Variants in CAMTA1 observed in about 807,000 individuals in gnomAD.
CAMTA1 encodes calmodulin-binding transcription activator 1.
In CAMTA1, 27 loss-of-function variants were observed where a neutral mutation model predicts 170.9. That is an observed-to-expected ratio of 0.16 (90% CI 0.12 to 0.22). CAMTA1 has a LOEUF of 0.22. Among genes scored for constraint, CAMTA1 ranks in the 10% least tolerant of loss-of-function variants. The pLI, the probability that CAMTA1 is intolerant of heterozygous loss-of-function variation, is 1.00. For synonymous variants in CAMTA1, 833 were observed against 891.5 expected (o/e 0.93, Z 1.17); for missense variants, 1,619 against 2,217.2 (o/e 0.73, Z 5.42).
At chr1:7,199,325 G>C (rs1656198774) in intron 4 of CAMTA1, among the ~76,000 whole-genome samples, 3 of 152,224 alleles carry the variant, frequency 2.0e-5, no homozygotes, top group Admixed American at 1.3e-4. Context: ...GGGTAAAAGG[G>C]AGCCAGGCAG....
chr1:6,929,493 A>G (rs569333046), intron 3 of CAMTA1, among the ~76,000 whole-genome samples: 57 of 152,274 alleles, frequency 3.7e-4, no homozygotes, highest in African/African-American at 1.3e-3. Context: ...CCTCCCGAGT[A>G]GCTGGGACTA....
intron 4 of CAMTA1, among the ~76,000 whole-genome samples, chr1:7,139,230 A>C (rs1298648968): frequency 1.1e-5 from 1 of 87,912 alleles, no homozygotes; most frequent in Non-Finnish European, 2.8e-5. Flanking sequence ...CATAATATAA[A>C]TATATATTTA....
At chr1:7,165,300 G>C (rs1648144962) in intron 4 of CAMTA1, among the ~76,000 whole-genome samples, 1 of 152,150 alleles carries the variant, frequency 6.6e-6, no homozygotes, top group African/African-American at 2.4e-5. Flanking sequence ...TAGCTTTCTT[G>C]ATCAAATCTT....
chr1:7,766,429 G>A (rs1234634473), intron 22 of CAMTA1, 30 bp from the exon 23 acceptor site: 1 of 1,611,944 alleles, frequency 6.2e-7, no homozygotes. Context: ...TAGAGTTATC[G>A]CCTGCTGTTT....
In CAMTA1 at chr1:7,456,983, GCCCTCCCGTTCCTCCT is replaced by G. The variant is rs1477574314; in HGVS notation, c.439-10839_439-10824del. Among the ~76,000 whole-genome samples, 164 of 151,198 alleles carry G rather than the reference GCCCTCCCGTTCCTCCT, an allele frequency of 1.1e-3. 1 individual carries two copies. The East Asian group carries it at 0.016, about 15-fold the overall frequency. ...GCGAGGCCCAGCAGAGTTCGGCGCC[GCCCTCCCGTTCCTCCT>G]CCCTCCCATTCTTCCTCCCTCCCTT... On this transcript the variant is annotated intron_variant, in intron 5 of 22. Coordinates refer to ENST00000303635, the MANE Select transcript of CAMTA1 (RefSeq NM_015215.4). This position sits in a 1 kb window ranked among gnomAD's most constrained non-coding sequence, Gnocchi z 4.9.
At chr1:6,877,420 A>AT (rs1025516006) in intron 3 of CAMTA1, among the ~76,000 whole-genome samples, 1 of 152,096 alleles carries the variant, frequency 6.6e-6, no homozygotes, top group African/African-American at 2.4e-5. Flanking sequence ...GTGTGGAAGG[A>AT]TTTTTTGTCA....
intron 5 of CAMTA1, among the ~76,000 whole-genome samples, chr1:7,364,715 A>G (rs1219036054): frequency 6.6e-6 from 1 of 151,956 alleles, no homozygotes; most frequent in Non-Finnish European, 1.5e-5. Context: ...GGGCAGTGGG[A>G]GAGGGTATCC....
intron 6 of CAMTA1, among the ~76,000 whole-genome samples, chr1:7,502,218 T>A (rs1270325299): frequency 6.6e-6 from 1 of 152,216 alleles, no homozygotes; most frequent in Non-Finnish European, 1.5e-5. Context: ...GGTCCAGTTC[T>A]CCACACCCCT....
Position 7,349,719 on chromosome 1 carries a change from C to T in CAMTA1, c.438+100093C>T, listed in dbSNP as rs536568039. On this transcript the variant is annotated intron_variant, in intron 5 of 22. Coordinates refer to ENST00000303635, the MANE Select transcript of CAMTA1 (RefSeq NM_015215.4). ...ACTGGATCAGGGCCTGCCCTCCTGA[C>T]CTCACTTTAACTTTATCATCTGCGA... Among the ~76,000 whole-genome samples the T allele has an allele frequency of 5.9e-5, 9 of 152,334 alleles. 1 individual carries two copies. The highest frequency in any genetic ancestry group is 1.9e-4 in the African/African-American group (8 of 41,570).
intron 3 of CAMTA1, among the ~76,000 whole-genome samples, chr1:7,013,209 C>CTTCTTTTTT (rs1304575208): frequency 3.6e-5 from 3 of 84,194 alleles, no homozygotes; most frequent in African/African-American, 1.6e-4. Context: ...TGCCCTTCTT[C>CTTCTTTTTT]TTTTTTTTTT....
At chr1:7,489,150 C>T (rs569135270) in intron 6 of CAMTA1, among the ~76,000 whole-genome samples, 1 of 152,350 alleles carries the variant, frequency 6.6e-6, no homozygotes, top group African/African-American at 2.4e-5. Flanking sequence ...TTTGGGGCCT[C>T]CTTTGCCACA....
rs1185882081 is a variant in CAMTA1 at position 6,963,280 on chromosome 1, C to T, written c.235-128024C>T. On this transcript the variant is annotated intron_variant, in intron 3 of 22. Transcript: ENST00000303635. ...TCCTCCCACCCACCTGGCCCCCCCC[C>T]CCCCCCCGCTTTCCATCCCGGCCTT... is the stretch of plus-strand genomic sequence containing the variant. Among the ~76,000 whole-genome samples, 2 of 85,346 alleles carry T rather than the reference C, an allele frequency of 2.3e-5. 1 individual carries two copies. The highest frequency in any genetic ancestry group is 5.9e-5 in the Non-Finnish European group (2 of 34,040). The allele number at this position is 85,346 out of a possible 152,430, so 56.0% of individuals were successfully genotyped here. A position where few individuals can be genotyped will look rare whatever the true frequency, so the allele number is the denominator to read the frequency against.
chr1:7,026,492 A>G (rs1702037890), intron 3 of CAMTA1, among the ~76,000 whole-genome samples: 1 of 152,306 alleles, frequency 6.6e-6, no homozygotes, highest in East Asian at 1.9e-4. Flanking sequence ...CAGAATTCTG[A>G]TATAAACTAA....
chr1:6,908,126 G>T (rs947495463), intron 3 of CAMTA1, among the ~76,000 whole-genome samples: 1 of 152,150 alleles, frequency 6.6e-6, no homozygotes, highest in South Asian at 2.1e-4. Flanking sequence ...CCCCTTCTTT[G>T]CTCGTCACCC....
At chr1:7,270,005 A>G (rs1669457436) in intron 5 of CAMTA1, among the ~76,000 whole-genome samples, 1 of 152,144 alleles carries the variant, frequency 6.6e-6, no homozygotes. Context: ...TCTCATTACA[A>G]ACATTGCAAG....
At chr1:6,861,826 A>T (rs1003830809) in intron 3 of CAMTA1, among the ~76,000 whole-genome samples, 14 of 152,148 alleles carry the variant, frequency 9.2e-5, no homozygotes, top group Admixed American at 5.2e-4. Flanking sequence ...CATCTTGTAA[A>T]ACCGAAACTC....
At chr1:7,703,751 A>T (rs2096468339) in intron 11 of CAMTA1, among the ~76,000 whole-genome samples, 1 of 152,210 alleles carries the variant, frequency 6.6e-6, no homozygotes, top group Non-Finnish European at 1.5e-5. Context: ...TCTTGGGGTC[A>T]GGCACTTTCT....
intron 4 of CAMTA1, among the ~76,000 whole-genome samples, chr1:7,094,169 C>A (rs1180230116): frequency 1.8e-4 from 27 of 152,206 alleles, no homozygotes; most frequent in Admixed American, 1.8e-3. Flanking sequence ...CATGTTTACA[C>A]TTGAAAGCTT....
chr1:7,646,733 AGGGTGGAGGCCATGGTGAGTG>A (rs1321589398), intron 7 of CAMTA1, among the ~76,000 whole-genome samples: 56 of 138,842 alleles, frequency 4.0e-4, no homozygotes, highest in African/African-American at 1.5e-3. Context: ...GGTGACTGTG[AGGGTGGAGGCCATGGTGAGTG>A]GGGTGGAGGC....
Sources: gnomAD v4.1 joint callset for allele counts (sites outside exome capture counted in the v4.1 genomes callset) on GRCh38, gnomAD v4.1.1 for gene constraint, Gnocchi (gnomAD v3.1) non-coding constraint, MANE v1.5 for transcripts, NCBI Gene and HGNC (gene_info 2026-07-23, HGNC 2026-07-21) for gene names.